PISD: variants seen among roughly 807,000 people sequenced by gnomAD.
PISD encodes phosphatidylserine decarboxylase proenzyme, mitochondrial.
PISD carries 31 observed loss-of-function variants against 43.5 expected under a neutral mutation model. The observed-to-expected ratio is 0.71, with a 90% CI of 0.54 to 0.96. The LOEUF (loss-of-function observed/expected upper bound fraction) is 0.96. PISD is among the 40% of genes least tolerant of loss of function. PISD has a pLI of 0.00. For synonymous variants in PISD, 259 were observed against 228.7 expected (o/e 1.13, Z -1.20); for missense variants, 523 against 548.4 (o/e 0.95, Z 0.46).
At chr22:31,628,272 C>G (rs2073015867) in intron 3 of PISD, 1 of 798,948 alleles carries the variant, frequency 1.3e-6, no homozygotes, top group East Asian at 1.3e-4. Context: ...AAGGCCAAGC[C>G]ACTTCCTTGG....
In PISD at chr22:31,630,271, T is replaced by C. The variant is rs111537600; in HGVS notation, c.322-8386A>G. Among the ~76,000 whole-genome samples the C allele has an allele frequency of 2.0e-5, 3 of 152,142 alleles. No homozygotes were observed. Among genetic ancestry groups the C allele is most frequent in the African/African-American group, 7.2e-5 (3 of 41,520 alleles). ...CAGGGAACCTCCTCTCAGACAACTCTGGGTGCTGAGGGGAACCGGCTCTGG... is the reference window on the plus strand; with the variant it reads ...CAGGGAACCTCCTCTCAGACAACTCCGGGTGCTGAGGGGAACCGGCTCTGG... On this transcript the variant is annotated intron_variant, in intron 3 of 7. Transcript: ENST00000439502. This position sits in a 1 kb window ranked among gnomAD's most constrained non-coding sequence, Gnocchi z 4.4.
chr22:31,624,961 C>A (rs1413703407), intron 3 of PISD, among the ~76,000 whole-genome samples: 1 of 152,174 alleles, frequency 6.6e-6, no homozygotes, highest in Non-Finnish European at 1.5e-5. Flanking sequence ...AGCAAATGCT[C>A]CTGAGGCCCA....
chr22:31,655,876 A>T (rs941438028), intron 1 of PISD, among the ~76,000 whole-genome samples: 2 of 151,552 alleles, frequency 1.3e-5, no homozygotes, highest in African/African-American at 4.9e-5. Context: ...ACCTCAAGTG[A>T]TCCACCCACC....
intron 3 of PISD, among the ~76,000 whole-genome samples, chr22:31,636,079 C>G (rs771477803): frequency 6.6e-6 from 1 of 152,184 alleles, no homozygotes; most frequent in Non-Finnish European, 1.5e-5. Flanking sequence ...AGAACACGTC[C>G]GATACTGCCC....
intron 3 of PISD, among the ~76,000 whole-genome samples, chr22:31,637,157 AAAAAAAAATATATATATAT>A (rs1159826030): frequency 0.021 from 761 of 36,838 alleles, 22 homozygotes; most frequent in South Asian, 0.044. Flanking sequence ...AAAAAAAAAA[AAAAAAAAATATATATATAT>A]ATATATATAT....
At chr22:31,623,329 A>T (rs1032848352) in intron 3 of PISD, among the ~76,000 whole-genome samples, 2 of 152,192 alleles carry the variant, frequency 1.3e-5, no homozygotes, top group Non-Finnish European at 2.9e-5. Flanking sequence ...TTCTGTTCAA[A>T]ATCACCTATA....
At position 31,619,565 on chromosome 22, in the gene PISD, C is replaced by T. The variant is rs957424152; in HGVS notation, c.*47G>A. On this transcript the variant is annotated 3_prime_UTR_variant, in exon 8 of 8. Coordinates refer to ENST00000439502, the MANE Select transcript of PISD (RefSeq NM_001326411.2). ...GGCCTCCCTCTTGAAAAGACCCTCA[C>T]TCTGTTTGGAAAAGATCCCTTAGCA... 1.3e-6 allele frequency: 2 copies of T among 1,521,454 alleles called. No homozygotes were observed. Among genetic ancestry groups the T allele is most frequent in the Admixed American group, 1.7e-5 (1 of 58,738 alleles). The allele number at this position is 1,521,454 out of a possible 1,614,324, so 94.2% of individuals were successfully genotyped here.
chr22:31,650,908 T>G, intron 1 of PISD, 130 bp from the exon 2 acceptor site: 2 of 551,518 alleles, frequency 3.6e-6, no homozygotes, highest in South Asian at 5.1e-5. Context: ...ACAACTGTAC[T>G]GTAGATAAGA....
intron 1 of PISD, among the ~76,000 whole-genome samples, chr22:31,653,471 A>AT (rs2074087426): frequency 6.6e-6 from 1 of 152,182 alleles, no homozygotes; most frequent in Admixed American, 6.5e-5. Context: ...GGAGATGATC[A>AT]TTTATGTATC....
rs1330545947 is a variant in PISD at position 31,630,841 on chromosome 22, G to A, written c.322-8956C>T. On this transcript the variant is annotated intron_variant, in intron 3 of 7. Transcript: ENST00000439502. This position sits in a 1 kb window ranked among gnomAD's most constrained non-coding sequence, Gnocchi z 4.4. ...CCAGCTTCCGGGCTCCGACTCCCTA[G>A]GGGCGCTCCCGGAGCCGGGAAGCCT... 4.1e-6 allele frequency: 4 copies of A among 985,354 alleles called. No homozygotes were observed. Among genetic ancestry groups the A allele is most frequent in the Non-Finnish European group, 4.8e-6 (4 of 829,954 alleles). 61.0% of individuals were successfully genotyped at this position (985,354 alleles called of 1,614,324 possible). A position where few individuals can be genotyped will look rare whatever the true frequency, so the allele number is the denominator to read the frequency against.
intron 3 of PISD, among the ~76,000 whole-genome samples, chr22:31,641,908 G>A (rs2073742073): frequency 1.3e-5 from 2 of 151,166 alleles, no homozygotes; most frequent in Admixed American, 1.3e-4. Flanking sequence ...GCAGGAACAT[G>A]AAACCTTGGA....
intron 1 of PISD, among the ~76,000 whole-genome samples, chr22:31,654,885 G>A (rs1175760034): frequency 1.3e-5 from 2 of 152,036 alleles, no homozygotes; most frequent in Non-Finnish European, 2.9e-5. Flanking sequence ...AGACCAGCCT[G>A]GGCAACACGG....
At chr22:31,620,449 C>T in intron 7 of PISD, 104 bp downstream of exon 7, 3 of 1,152,132 alleles carry the variant, frequency 2.6e-6, no homozygotes, top group Non-Finnish European at 1.2e-6. Flanking sequence ...AGAGCTGTGG[C>T]CTCCCTAGAA....
chr22:31,636,301 C>T (rs1601385762), intron 3 of PISD, among the ~76,000 whole-genome samples: 3 of 152,198 alleles, frequency 2.0e-5, no homozygotes, highest in South Asian at 2.1e-4. Context: ...TTATTCTAAA[C>T]GGAGGCTAGA....
chr22:31,645,690 T>C (rs113396217), intron 3 of PISD, among the ~76,000 whole-genome samples: 6,709 of 147,786 alleles, frequency 0.045, 181 homozygotes, highest in African/African-American at 0.068. Context: ...TGAAACCCTG[T>C]CTCTACAAAA....
intron 3 of PISD, among the ~76,000 whole-genome samples, chr22:31,632,574 A>G (rs1305023189): frequency 2.0e-5 from 3 of 152,066 alleles, no homozygotes; most frequent in African/African-American, 4.8e-5. Flanking sequence ...TCCACATCCC[A>G]AAGCCATGCA....
Position 31,625,901 on chromosome 22 carries a change from TCTC to T in PISD, c.322-4019_322-4017del, listed in dbSNP as rs148689457. 1,406 of 1,542,156 alleles carry T rather than the reference TCTC, an allele frequency of 9.1e-4. 8 individuals are homozygous for T. The African/African-American group carries it at 0.017, about 19-fold the overall frequency. ...CCTCCCCTTCCCCCGAGCCAGCAGA[TCTC>T]CTGTGCTGTCACTGCTCCAGGGCCT... On this transcript the variant is annotated intron_variant, in intron 3 of 7. Transcript: ENST00000439502.
Position 31,618,919 on chromosome 22 carries a change from G to C in PISD, c.*693C>G, listed in dbSNP as rs1201892680. On this transcript the variant is annotated 3_prime_UTR_variant, in exon 8 of 8. Coordinates refer to ENST00000439502, the MANE Select transcript of PISD (RefSeq NM_001326411.2). ...ATGAGGCAGGTTCAGTGATTGATTG[G>C]TCTTGCCTGCTGCAGAGGACCTGGC... 1.2e-5 allele frequency: 2 copies of C among 163,808 alleles called. No homozygotes were observed. Among genetic ancestry groups the C allele is most frequent in the Admixed American group, 1.2e-4 (2 of 17,302 alleles). The allele number at this position is 163,808 out of a possible 1,614,324, so 10.1% of individuals were successfully genotyped here. A position where few individuals can be genotyped will look rare whatever the true frequency, so the allele number is the denominator to read the frequency against.
chr22:31,624,712 G>GACACACACACAC (rs55946723), intron 3 of PISD, among the ~76,000 whole-genome samples: 55 of 111,982 alleles, frequency 4.9e-4, no homozygotes, highest in African/African-American at 1.1e-3. Context: ...AGCAAAGGTG[G>GACACACACACAC]ACACACACAC....
Sources: gnomAD v4.1 joint callset for allele counts (sites outside exome capture counted in the v4.1 genomes callset) on GRCh38, gnomAD v4.1.1 for gene constraint, Gnocchi (gnomAD v3.1) non-coding constraint, MANE v1.5 for transcripts, NCBI Gene and HGNC (gene_info 2026-07-23, HGNC 2026-07-21) for gene names.